Variants in WAC observed in about 807,000 individuals in gnomAD.
The protein encoded by WAC is WW domain-containing adapter protein with coiled-coil.
WAC carries 11 observed loss-of-function variants against 79.6 expected under a neutral mutation model. That is an observed-to-expected ratio of 0.14 (90% CI 0.09 to 0.23). The LOEUF (loss-of-function observed/expected upper bound fraction) is 0.23. Among genes scored for constraint, WAC ranks in the 10% least tolerant of loss-of-function variants. WAC has a pLI of 1.00. For missense variants in WAC, 728 were observed against 773.5 expected (o/e 0.94, Z 0.70); for synonymous variants, 304 against 276.9 (o/e 1.10, Z -0.97).
intron 3 of WAC, among the ~76,000 whole-genome samples, chr10:28,538,879 A>G (rs1302336875): frequency 1.3e-5 from 2 of 151,416 alleles, no homozygotes; most frequent in Admixed American, 6.6e-5. Context: ...AAAAAAAAAA[A>G]AAAAAGAAAA....
intron 3 of WAC, among the ~76,000 whole-genome samples, chr10:28,542,158 C>T (rs182822105): frequency 8.5e-5 from 13 of 152,334 alleles, no homozygotes; most frequent in African/African-American, 2.6e-4. Flanking sequence ...TTATGTTTCT[C>T]CTACTGTGCT....
At chr10:28,549,930 C>T (rs577107880) in intron 3 of WAC, among the ~76,000 whole-genome samples, 38 of 152,162 alleles carry the variant, frequency 2.5e-4, no homozygotes, top group African/African-American at 8.2e-4. Flanking sequence ...TTTGAGGTCC[C>T]GAGGTGGATG....
chr10:28,617,014 CAGA>C (rs1841497363), intron 12 of WAC, among the ~76,000 whole-genome samples: 1 of 152,068 alleles, frequency 6.6e-6, no homozygotes, highest in South Asian at 2.1e-4. Context: ...ACCCAGGAGG[CAGA>C]AGTTGCAGTG....
At chr10:28,615,988 T>TA in intron 11 of WAC, 185 bp from the exon 12 acceptor site, 1 of 474,806 alleles carries the variant, frequency 2.1e-6, no homozygotes, top group South Asian at 5.1e-5. Context: ...TTTTTCCCCC[T>TA]AAAGTGTTTT....
intron 3 of WAC, among the ~76,000 whole-genome samples, chr10:28,542,974 G>T (rs1414004725): frequency 3.3e-5 from 5 of 152,180 alleles, no homozygotes; most frequent in African/African-American, 1.2e-4. Flanking sequence ...TTGTATTCCT[G>T]TTACCTTGAA....
chr10:28,567,778 G>A (rs1838728758), intron 3 of WAC, among the ~76,000 whole-genome samples: 1 of 151,972 alleles, frequency 6.6e-6, no homozygotes. Flanking sequence ...AAATGGAGAT[G>A]AGGTCCCACT....
chr10:28,572,571 G>A (rs988323855), intron 3 of WAC, among the ~76,000 whole-genome samples: 1 of 152,134 alleles, frequency 6.6e-6, no homozygotes, highest in Non-Finnish European at 1.5e-5. Context: ...CACACTTTGG[G>A]AGGTGGAGGT....
chr10:28,603,465 C>T (rs997038702), intron 7 of WAC, among the ~76,000 whole-genome samples: 1 of 152,150 alleles, frequency 6.6e-6, no homozygotes, highest in Non-Finnish European at 1.5e-5. Context: ...ATGAAAAACA[C>T]TACATTCTCT....
intron 3 of WAC, 129 bp from the exon 4 acceptor site, chr10:28,583,270 A>G (rs1177019601): frequency 1.1e-5 from 7 of 624,330 alleles, no homozygotes; most frequent in East Asian, 9.1e-5. Context: ...GACTGTGTAT[A>G]TATTCCTAAT....
intron 3 of WAC, among the ~76,000 whole-genome samples, chr10:28,560,430 A>G (rs1457853843): frequency 6.6e-6 from 1 of 152,010 alleles, no homozygotes; most frequent in African/African-American, 2.4e-5. Flanking sequence ...GCTTATTGAG[A>G]TGAGGAAGAC....
intron 8 of WAC, among the ~76,000 whole-genome samples, chr10:28,610,171 G>A (rs1841164341): frequency 6.6e-6 from 1 of 152,140 alleles, no homozygotes; most frequent in African/African-American, 2.4e-5. Context: ...AACCTTAGGC[G>A]ATCCACCTGC....
chr10:28,560,642 A>T (rs1250933173), intron 3 of WAC, among the ~76,000 whole-genome samples: 1 of 152,182 alleles, frequency 6.6e-6, no homozygotes, highest in African/African-American at 2.4e-5. Context: ...AGTATATTCC[A>T]CCCAGACTCT....
intron 3 of WAC, among the ~76,000 whole-genome samples, chr10:28,559,648 A>G (rs972429605): frequency 6.6e-6 from 1 of 152,224 alleles, no homozygotes; most frequent in African/African-American, 2.4e-5. Flanking sequence ...CCACTGGTTT[A>G]CAGAAATAAC....
intron 7 of WAC, among the ~76,000 whole-genome samples, chr10:28,599,374 A>C (rs958013301): frequency 3.9e-5 from 6 of 152,154 alleles, no homozygotes; most frequent in African/African-American, 1.4e-4. Context: ...CTCTATTCCT[A>C]GTGCTTGACA....
intron 3 of WAC, among the ~76,000 whole-genome samples, chr10:28,554,365 C>G (rs1006744683): frequency 1.1e-4 from 17 of 152,222 alleles, no homozygotes; most frequent in Middle Eastern, 3.4e-3. Flanking sequence ...TTTCAAAATG[C>G]AGATATCTAG....
At chr10:28,589,641 T>C in intron 4 of WAC, 95 bp from the exon 5 acceptor site, 1 of 731,908 alleles carries the variant, frequency 1.4e-6, no homozygotes, top group Non-Finnish European at 2.3e-6. Context: ...CTTTATCTCA[T>C]AAGTGTTTTC....
chr10:28,546,401 TAC>T (rs1403971905), intron 3 of WAC, among the ~76,000 whole-genome samples: 1 of 152,224 alleles, frequency 6.6e-6, no homozygotes, highest in Non-Finnish European at 1.5e-5. Context: ...GAAGTTGGGG[TAC>T]AGAGTGACAA....
rs869099181 is a variant in WAC, at chr10:28,541,420, GT to G, written c.274+5689del. Among the ~76,000 whole-genome samples the G allele has an allele frequency of 1.6e-3, 77 of 49,214 alleles. 1 individual carries two copies. Among genetic ancestry groups the G allele is most frequent in the African/African-American group, 3.1e-3 (29 of 9,300 alleles). The allele number at this position is 49,214 out of a possible 152,430, so 32.3% of individuals were successfully genotyped here. Reference sequence around the variant, plus strand: ...GTGGGGTTGTGTGTGTGTGTGTTTTGTTTTTTTTTTTTTTTTTTTTTTTTTT... The same window carrying G: ...GTGGGGTTGTGTGTGTGTGTGTTTTGTTTTTTTTTTTTTTTTTTTTTTTTT... On this transcript the variant is annotated intron_variant, in intron 3 of 13. Coordinates refer to ENST00000354911, the MANE Select transcript of WAC (RefSeq NM_016628.5).
intron 2 of WAC, 145 bp from the exon 3 acceptor site, chr10:28,535,416 TA>T (rs1463808947): frequency 1.0e-6 from 1 of 998,002 alleles, no homozygotes. Flanking sequence ...TGAGAAACTT[TA>T]AAGAGTAAAG....
Sources: allele counts gnomAD v4.1 joint callset (sites outside exome capture counted in the v4.1 genomes callset), GRCh38; gene constraint gnomAD v4.1.1; transcripts MANE v1.5; gene names NCBI Gene and HGNC (gene_info 2026-07-23, HGNC 2026-07-21).